SORCS1: variants seen among roughly 807,000 people sequenced by gnomAD.
SORCS1 encodes sortilin related VPS10 domain containing receptor 1.
A neutral mutation model predicts 146.1 loss-of-function variants in SORCS1; 60 were observed. The ratio of observed to expected loss-of-function variants is 0.41; its 90% confidence interval spans 0.33 to 0.51. The LOEUF is 0.51. Ranked by LOEUF, SORCS1 falls within the 20% of genes least tolerant of loss-of-function variation. SORCS1 has a pLI of 0.21. For synonymous variants in SORCS1, 637 were observed against 584.0 expected (o/e 1.09, Z -1.31); for missense variants, 1,352 against 1,487.6 (o/e 0.91, Z 1.50).
chr10:106,863,977 G>A (rs1051140118), intron 2 of SORCS1, among the ~76,000 whole-genome samples: 7 of 152,086 alleles, frequency 4.6e-5, no homozygotes, highest in African/African-American at 1.7e-4. Context: ...GCAAAGGCTA[G>A]ACCTGAACAG....
At chr10:107,015,527 T>C (rs1173662446) in intron 1 of SORCS1, among the ~76,000 whole-genome samples, 1 of 152,198 alleles carries the variant, frequency 6.6e-6, no homozygotes, top group African/African-American at 2.4e-5. Context: ...AACATCCCTG[T>C]CTTGGAGAGT....
the SORCS1 span, among the ~76,000 whole-genome samples, chr10:107,175,949 T>C: frequency 6.6e-6 from 1 of 152,224 alleles, no homozygotes; most frequent in Admixed American, 6.5e-5. Context: ...TCAAACTTAC[T>C]AGAAGTTTAT....
At chr10:106,838,456 A>G (rs1948879602) in intron 2 of SORCS1, among the ~76,000 whole-genome samples, 1 of 152,180 alleles carries the variant, frequency 6.6e-6, no homozygotes, top group African/African-American at 2.4e-5. Flanking sequence ...CAAAGTCCAC[A>G]GTTTACATTA....
In SORCS1 at chr10:106,842,880, T is replaced by G. The variant is rs571570966; in HGVS notation, c.627-13207A>C. ...CACCCACCTCAGCCTCCCAAAGTGCTGAGATTACAGGCATGAGCCACTGTG... is the reference window on the plus strand; with the variant it reads ...CACCCACCTCAGCCTCCCAAAGTGCGGAGATTACAGGCATGAGCCACTGTG... On this transcript the variant is annotated intron_variant, in intron 2 of 25. Transcript: ENST00000263054. Among the ~76,000 whole-genome samples the G allele has an allele frequency of 6.2e-4, 95 of 152,326 alleles. 5 individuals carry two copies. The East Asian group carries it at 0.015, about 25-fold the overall frequency.
chr10:107,040,150 A>T (rs1172164630), intron 1 of SORCS1, among the ~76,000 whole-genome samples: 1 of 152,200 alleles, frequency 6.6e-6, no homozygotes, highest in Non-Finnish European at 1.5e-5. Flanking sequence ...AGTTACTGTT[A>T]TCACCGCACT....
intron 2 of SORCS1, among the ~76,000 whole-genome samples, chr10:106,897,762 C>T (rs1467879148): frequency 6.6e-6 from 1 of 152,148 alleles, no homozygotes; most frequent in Non-Finnish European, 1.5e-5. Context: ...AATCCTTGTC[C>T]TTCCACTATG....
At chr10:106,743,603 T>A (rs1418519362) in intron 5 of SORCS1, among the ~76,000 whole-genome samples, 1 of 152,020 alleles carries the variant, frequency 6.6e-6, no homozygotes, top group East Asian at 1.9e-4. Flanking sequence ...TTTTGTATGT[T>A]TAGTGGAGAC....
chr10:106,730,186 A>G, intron 5 of SORCS1, 72 bp from the exon 6 acceptor site: 1 of 1,413,880 alleles, frequency 7.1e-7, no homozygotes, highest in South Asian at 1.2e-5. Flanking sequence ...GGAACTCGGC[A>G]GAGCCCCCAG....
chr10:106,844,396 G>T (rs941503275), intron 2 of SORCS1, among the ~76,000 whole-genome samples: 1 of 151,832 alleles, frequency 6.6e-6, no homozygotes, highest in Non-Finnish European at 1.5e-5. Context: ...GACCAATATT[G>T]AGGAGATTTT....
chr10:106,715,528 C>T (rs990173500), intron 6 of SORCS1, among the ~76,000 whole-genome samples: 11 of 152,218 alleles, frequency 7.2e-5, no homozygotes, highest in African/African-American at 1.9e-4. Flanking sequence ...CGTCTCCAAA[C>T]GCTGATCTAG....
chr10:106,963,110 A>ATT (rs749174613), intron 1 of SORCS1, among the ~76,000 whole-genome samples: 2,561 of 76,118 alleles, frequency 0.034, 348 homozygotes, highest in South Asian at 0.12. Flanking sequence ...AATGGCCAGA[A>ATT]TTTTTTTTTT....
intron 24 of SORCS1, among the ~76,000 whole-genome samples, chr10:106,593,863 G>A (rs1416902097): frequency 6.6e-6 from 1 of 152,154 alleles, no homozygotes; most frequent in Non-Finnish European, 1.5e-5. Context: ...GCATATCTGG[G>A]TCCCCAAAAT....
chr10:106,892,524 A>G (rs779042712), intron 2 of SORCS1, among the ~76,000 whole-genome samples: 1 of 152,210 alleles, frequency 6.6e-6, no homozygotes, highest in Non-Finnish European at 1.5e-5. Context: ...TTGAATAACA[A>G]AGTTGTACAT....
chr10:106,957,650 T>TA lies in SORCS1; in HGVS notation c.559-1071dup, dbSNP rs540235804. Reference sequence around the variant, plus strand: ...TGGGGTCCAGATAATTACCGTGTAATATATTTCTTATGGAACCCTCCATAA... The same window carrying TA: ...TGGGGTCCAGATAATTACCGTGTAATAATATTTCTTATGGAACCCTCCATAA... On this transcript the variant is annotated intron_variant, in intron 1 of 25. Coordinates refer to ENST00000263054, the MANE Select transcript of SORCS1 (RefSeq NM_052918.5). Among the ~76,000 whole-genome samples the TA allele has an allele frequency of 9.3e-4, 141 of 152,206 alleles. 1 individual carries two copies. The highest frequency in any genetic ancestry group is 3.3e-3 in the African/African-American group (139 of 41,524).
At chr10:106,775,681 C>A (rs1157861489) in intron 4 of SORCS1, among the ~76,000 whole-genome samples, 1 of 152,216 alleles carries the variant, frequency 6.6e-6, no homozygotes, top group East Asian at 1.9e-4. Flanking sequence ...AATGACTTCA[C>A]TGCATAATGC....
At chr10:106,780,713 G>C (rs936800872) in intron 3 of SORCS1, among the ~76,000 whole-genome samples, 1 of 152,148 alleles carries the variant, frequency 6.6e-6, no homozygotes, top group African/African-American at 2.4e-5. Flanking sequence ...GCCTTTATCA[G>C]GAAAGTAATT....
At chr10:106,732,998 T>G (rs11193029) in intron 5 of SORCS1, among the ~76,000 whole-genome samples, 1 of 150,860 alleles carries the variant, frequency 6.6e-6, no homozygotes, top group Non-Finnish European at 1.5e-5. Context: ...GTGTACCTGT[T>G]TCGGGAGGCT....
chr10:107,173,221 G>C, the SORCS1 span, among the ~76,000 whole-genome samples: 1 of 152,180 alleles, frequency 6.6e-6, no homozygotes, highest in Non-Finnish European at 1.5e-5. Flanking sequence ...GTGTCTAGCA[G>C]TGCAGGGGGT....
chr10:106,738,752 G>A (rs1026179980), intron 5 of SORCS1, among the ~76,000 whole-genome samples: 8 of 152,194 alleles, frequency 5.3e-5, no homozygotes, highest in African/African-American at 1.4e-4. Flanking sequence ...AGTATTTTGG[G>A]AGGCTGAGAT....
Sources: allele counts gnomAD v4.1 joint callset (sites outside exome capture counted in the v4.1 genomes callset), GRCh38; gene constraint gnomAD v4.1.1; transcripts MANE v1.5; gene names NCBI Gene and HGNC (gene_info 2026-07-23, HGNC 2026-07-21).